DIAPH3: variants seen among roughly 807,000 people sequenced by gnomAD.
The protein encoded by DIAPH3 is protein diaphanous homolog 3.
DIAPH3 carries 117 observed loss-of-function variants against 144.3 expected under a neutral mutation model. The ratio of observed to expected loss-of-function variants is 0.81; its 90% CI spans 0.70 to 0.95. The LOEUF (loss-of-function observed/expected upper bound fraction) is 0.95, where lower values mean the gene tolerates loss of function less well. Among genes scored for constraint, DIAPH3 ranks in the 40% least tolerant of loss-of-function variants. The pLI is 0.00. For synonymous variants in DIAPH3, 519 were observed against 488.9 expected, an observed-to-expected ratio of 1.06 and a Z score of -0.81; for missense variants, 1,421 against 1,412.7, an observed-to-expected ratio of 1.01 and a Z score of -0.09.
chr13:59,691,914 C>T (rs1308022056), intron 27 of DIAPH3, among the ~76,000 whole-genome samples: 2 of 152,088 alleles, frequency 1.3e-5, no homozygotes, highest in African/African-American at 4.8e-5. Flanking sequence ...AATCCTGACT[C>T]TTCAGTGTGA....
At chr13:60,135,025 G>T (rs1360635109) in intron 1 of DIAPH3, among the ~76,000 whole-genome samples, 1 of 152,024 alleles carries the variant, frequency 6.6e-6, no homozygotes, top group Non-Finnish European at 1.5e-5. Flanking sequence ...AAAAGATACA[G>T]AAAGTAAAAG....
At chr13:60,105,590 T>C (rs965037531) in intron 3 of DIAPH3, among the ~76,000 whole-genome samples, 2 of 152,228 alleles carry the variant, frequency 1.3e-5, no homozygotes, top group Non-Finnish European at 2.9e-5. Context: ...TCTTCATTAT[T>C]TGGATTGCTT....
intron 5 of DIAPH3, among the ~76,000 whole-genome samples, chr13:60,042,429 T>C (rs1280104953): frequency 6.6e-6 from 1 of 152,164 alleles, no homozygotes; most frequent in African/African-American, 2.4e-5. Context: ...CACATGACAA[T>C]TGTCTTTTAG....
At chr13:59,954,081 A>G (rs1257140987) in intron 17 of DIAPH3, among the ~76,000 whole-genome samples, 4 of 152,184 alleles carry the variant, frequency 2.6e-5, no homozygotes, top group African/African-American at 4.8e-5. Flanking sequence ...TGCACCTAGT[A>G]TGCTCTCATG....
At chr13:59,870,684 AT>A (rs1395277588) in intron 21 of DIAPH3, among the ~76,000 whole-genome samples, 2 of 146,448 alleles carry the variant, frequency 1.4e-5, no homozygotes, top group Non-Finnish European at 3.0e-5. Context: ...TTTTTTTTAA[AT>A]TTGAGATGGA....
intron 27 of DIAPH3, among the ~76,000 whole-genome samples, chr13:59,731,138 C>A (rs545511249): frequency 6.6e-6 from 1 of 152,174 alleles, no homozygotes; most frequent in Non-Finnish European, 1.5e-5. Context: ...TGCTGCTTAT[C>A]ATATCTTCTC....
chr13:59,917,795 C>A (rs2047294623), intron 18 of DIAPH3, among the ~76,000 whole-genome samples: 1 of 137,386 alleles, frequency 7.3e-6, no homozygotes, highest in Non-Finnish European at 1.5e-5. Flanking sequence ...GAGGCTGAAG[C>A]AGAAGTATTG....
At chr13:59,949,562 T>C (rs2048992930) in intron 17 of DIAPH3, among the ~76,000 whole-genome samples, 1 of 152,158 alleles carries the variant, frequency 6.6e-6, no homozygotes, top group African/African-American at 2.4e-5. Context: ...GCTACCTGTT[T>C]TAATAAATGA....
At chr13:59,704,819 C>T (rs1315731491) in intron 27 of DIAPH3, among the ~76,000 whole-genome samples, 3 of 152,150 alleles carry the variant, frequency 2.0e-5, no homozygotes, top group Admixed American at 2.0e-4. Flanking sequence ...ACAACGAAAT[C>T]GCCTGACAAC....
Position 60,001,298 on chromosome 13 carries a change from A to G in DIAPH3, c.1014+7246T>C, listed in dbSNP as rs1566638148. 2.0e-5 allele frequency among the ~76,000 whole-genome samples: 3 copies of G among 152,304 alleles called. No individual in the cohort carries two copies. The South Asian group carries it at 6.2e-4, about 32-fold the overall frequency. ...TTACCTACACTTTACTAAGAGGTCA[A>G]TCAGAATAGATCCAGCTCCTGCATC... On this transcript the variant is annotated intron_variant, in intron 9 of 27. Coordinates refer to ENST00000400324, the MANE Select transcript of DIAPH3 (RefSeq NM_001042517.2).
chr13:60,083,773 G>C (rs376028164), intron 4 of DIAPH3, among the ~76,000 whole-genome samples: 2 of 151,958 alleles, frequency 1.3e-5, no homozygotes, highest in African/African-American at 4.8e-5. Context: ...GCACGGTGGT[G>C]CATGCCTATA....
rs1174545923 is a variant in DIAPH3, at chr13:60,163,616, C to T, written c.151G>A (p.Glu51Lys). ...PQHPPPPSGP[E>K]EPGEKRPKFH... ...TTGGGGCGCTTCTCCCCAGGCTCCT[C>T]GGGGCCACTGGGCGGCGGAGGGTGT... is the stretch of plus-strand genomic sequence containing the variant. The change falls in exon 1 of 28, where the codon GAG (glutamate) becomes AAG (lysine). Residue 51 changes from glutamate to lysine, a missense_variant. Physicochemically the swap from Glu to Lys is moderately conservative, Grantham distance 56. Coordinates refer to ENST00000400324, the MANE Select transcript of DIAPH3 (RefSeq NM_001042517.2). The T allele has an allele frequency of 1.9e-6, 3 of 1,603,788 alleles. No individual in the cohort carries two copies. Among genetic ancestry groups the T allele is most frequent in the Non-Finnish European group, 2.6e-6 (3 of 1,172,778 alleles).
rs2051855867 is a variant in DIAPH3 at position 59,992,055 on chromosome 13, A to T, written c.1244+13T>A. 6.2e-7 allele frequency: 1 copy of T among 1,600,056 alleles called. No individual in the cohort carries two copies. The highest frequency in any genetic ancestry group is 1.3e-5 in the African/African-American group (1 of 74,618). On this transcript the variant is annotated intron_variant, in intron 11 of 27. Transcript: ENST00000400324. Reference sequence around the variant, plus strand: ...TATATATGATTTGACTAGACTTCAGAACAAAAGGATATTCAAGTTCAGCTC... The same window carrying T: ...TATATATGATTTGACTAGACTTCAGTACAAAAGGATATTCAAGTTCAGCTC...
At chr13:59,906,882 G>A (rs188960755) in intron 20 of DIAPH3, among the ~76,000 whole-genome samples, 2 of 152,116 alleles carry the variant, frequency 1.3e-5, no homozygotes, top group Non-Finnish European at 2.9e-5. Context: ...ATTTCTCACA[G>A]TTAAAGCATG....
At chr13:59,782,886 C>G (rs2038813042) in intron 25 of DIAPH3, among the ~76,000 whole-genome samples, 1 of 152,086 alleles carries the variant, frequency 6.6e-6, no homozygotes, top group Non-Finnish European at 1.5e-5. Context: ...GGCAGGGATT[C>G]TTGAAGAATG....
intron 25 of DIAPH3, among the ~76,000 whole-genome samples, chr13:59,776,183 A>G (rs1323767682): frequency 6.6e-6 from 1 of 152,228 alleles, no homozygotes; most frequent in Non-Finnish European, 1.5e-5. Context: ...AATACAAATA[A>G]CATACTCATT....
At chr13:59,893,228 C>T (rs1374548982) in intron 20 of DIAPH3, among the ~76,000 whole-genome samples, 4 of 152,056 alleles carry the variant, frequency 2.6e-5, no homozygotes, top group African/African-American at 9.7e-5. Context: ...ATATTTTATT[C>T]TACTTTAAAT....
At chr13:59,946,330 A>G (rs556406995) in intron 17 of DIAPH3, among the ~76,000 whole-genome samples, 91 of 152,328 alleles carry the variant, frequency 6.0e-4, no homozygotes, top group African/African-American at 1.8e-3. Flanking sequence ...TACAAAGCAC[A>G]GAATCCAGTT....
chr13:59,825,069 G>T (rs1017031910), intron 24 of DIAPH3, among the ~76,000 whole-genome samples: 1 of 151,516 alleles, frequency 6.6e-6, no homozygotes, highest in Non-Finnish European at 1.5e-5. Context: ...TAAGTTTTAG[G>T]GTACATGTGC....
Sources: allele counts gnomAD v4.1 joint callset (sites outside exome capture counted in the v4.1 genomes callset), GRCh38; gene constraint gnomAD v4.1.1; transcripts MANE v1.5; gene names NCBI Gene and HGNC (gene_info 2026-07-23, HGNC 2026-07-21).